The following LINGO2 variants were observed in gnomAD, a reference collection of about 807,000 sequenced individuals.
LINGO2 encodes leucine-rich repeat and immunoglobulin-like domain-containing nogo receptor-interacting protein 2.
LINGO2 carries 14 observed loss-of-function variants against 30.6 expected under a neutral mutation model. The observed-to-expected ratio is 0.46, with a 90% confidence interval of 0.30 to 0.72. The LOEUF is 0.72. Among genes scored for constraint, LINGO2 ranks in the 30% least tolerant of loss-of-function variants. LINGO2 has a pLI of 0.07. For synonymous variants in LINGO2, 317 were observed against 288.5 expected (o/e 1.10, Z -1.00); for missense variants, 729 against 751.7 (o/e 0.97, Z 0.35).
chr9:28,712,252 C>T, the LINGO2 span, among the ~76,000 whole-genome samples: 2 of 151,834 alleles, frequency 1.3e-5, no homozygotes, highest in African/African-American at 2.4e-5. Context: ...CGTTTTTGAC[C>T]CTTTAAGGGT....
chr9:28,169,107 C>A (rs187483432), intron 4 of LINGO2, among the ~76,000 whole-genome samples: 44 of 152,252 alleles, frequency 2.9e-4, no homozygotes, highest in Non-Finnish European at 5.7e-4. Context: ...GATTAATATA[C>A]GGACTAAATA....
At chr9:28,491,481 G>C (rs1826392647) in intron 1 of LINGO2, among the ~76,000 whole-genome samples, 1 of 152,186 alleles carries the variant, frequency 6.6e-6, no homozygotes. Flanking sequence ...CAGGTTCCAA[G>C]CAGCAGGATA....
chr9:28,142,259 C>G (rs1827695013), intron 4 of LINGO2, among the ~76,000 whole-genome samples: 1 of 149,296 alleles, frequency 6.7e-6, no homozygotes, highest in African/African-American at 2.5e-5. Context: ...GTAAGTTTAT[C>G]CTCTAAGAGA....
At chr9:28,105,210 G>C (rs915524005) in intron 4 of LINGO2, among the ~76,000 whole-genome samples, 1 of 152,100 alleles carries the variant, frequency 6.6e-6, no homozygotes, top group Non-Finnish European at 1.5e-5. Flanking sequence ...GAAACACCAG[G>C]GGGTGGTTTT....
chr9:28,227,817 A>G (rs1273690391), intron 4 of LINGO2, among the ~76,000 whole-genome samples: 3 of 152,012 alleles, frequency 2.0e-5, no homozygotes, highest in African/African-American at 7.2e-5. Context: ...TCTGATAGTC[A>G]AAGGAAGGTT....
chr9:28,031,001 C>G (rs1823640286), intron 4 of LINGO2, among the ~76,000 whole-genome samples: 1 of 152,082 alleles, frequency 6.6e-6, no homozygotes, highest in South Asian at 2.1e-4. Flanking sequence ...TTCCTGAGAA[C>G]AAGGATTTAA....
At chr9:29,135,932 T>C in the LINGO2 span, among the ~76,000 whole-genome samples, 1 of 152,170 alleles carries the variant, frequency 6.6e-6, no homozygotes, top group Non-Finnish European at 1.5e-5. Flanking sequence ...GGTTCATCCA[T>C]ATCATAGCAT....
At chr9:27,950,192 C>G (rs1819219638) in exon 6 of LINGO2, 1 of 1,614,028 alleles carries the variant, frequency 6.2e-7, no homozygotes, top group African/African-American at 1.3e-5. Context: ...CATTGTCCCC[C>G]ACTTCTAGAG....
chr9:28,470,372 T>C (rs75419314), intron 2 of LINGO2, among the ~76,000 whole-genome samples: 8 of 152,330 alleles, frequency 5.3e-5, no homozygotes, highest in African/African-American at 1.9e-4. Flanking sequence ...CACATACAAA[T>C]TGTCTCAACA....
At chr9:28,520,798 A>G (rs1412665364) in intron 1 of LINGO2, among the ~76,000 whole-genome samples, 1 of 152,232 alleles carries the variant, frequency 6.6e-6, no homozygotes, top group South Asian at 2.1e-4. Context: ...TTTAGTAACA[A>G]AAAGCATGAA....
At chr9:28,321,513 A>C (rs2134301712) in intron 3 of LINGO2, among the ~76,000 whole-genome samples, 1 of 152,316 alleles carries the variant, frequency 6.6e-6, no homozygotes, top group African/African-American at 2.4e-5. Flanking sequence ...GTGCTGTATT[A>C]GTTAAGGTTC....
At chr9:28,427,764 G>T (rs1476680624) in intron 2 of LINGO2, among the ~76,000 whole-genome samples, 1 of 152,056 alleles carries the variant, frequency 6.6e-6, no homozygotes, top group Non-Finnish European at 1.5e-5. Flanking sequence ...TTATGCATCA[G>T]GTGAAAAAGC....
chr9:28,126,557 T>A (rs571129228), intron 4 of LINGO2, among the ~76,000 whole-genome samples: 131 of 152,348 alleles, frequency 8.6e-4, no homozygotes, highest in African/African-American at 3.1e-3. Context: ...ATGTTTGAGA[T>A]GGCATGACTT....
intron 5 of LINGO2, among the ~76,000 whole-genome samples, chr9:27,977,160 CTT>C (rs112371496): frequency 6.8e-5 from 10 of 146,748 alleles, no homozygotes; most frequent in Admixed American, 6.8e-5. Context: ...GCTTTACCTA[CTT>C]TTTTTTTTTC....
At chr9:28,513,588 A>G (rs1820501588) in intron 1 of LINGO2, among the ~76,000 whole-genome samples, 1 of 152,224 alleles carries the variant, frequency 6.6e-6, no homozygotes, top group Non-Finnish European at 1.5e-5. Context: ...GTTTGTTAGA[A>G]ATGTATTCTT....
intron 3 of LINGO2, among the ~76,000 whole-genome samples, chr9:28,365,660 G>T (rs1047104178): frequency 6.6e-6 from 1 of 152,046 alleles, no homozygotes; most frequent in Non-Finnish European, 1.5e-5. Context: ...GAGTGGTTTG[G>T]AGTAGGATTT....
At chr9:28,908,772 G>C in the LINGO2 span, among the ~76,000 whole-genome samples, 1 of 151,850 alleles carries the variant, frequency 6.6e-6, no homozygotes, top group African/African-American at 2.4e-5. Flanking sequence ...TTTATTTAGA[G>C]AGAATAATTT....
chr9:28,932,767 C>T, the LINGO2 span, among the ~76,000 whole-genome samples: 1 of 152,070 alleles, frequency 6.6e-6, no homozygotes, highest in Admixed American at 6.6e-5. Context: ...ATCAATTTAC[C>T]ACCCAGCTAC....
At chr9:28,920,762 G>A in the LINGO2 span, among the ~76,000 whole-genome samples, 5 of 151,914 alleles carry the variant, frequency 3.3e-5, no homozygotes, top group African/African-American at 9.7e-5. Context: ...CTACATAACC[G>A]AATCTTAAAT....
Sources: gnomAD v4.1 joint callset for allele counts (sites outside exome capture counted in the v4.1 genomes callset) on GRCh38, gnomAD v4.1.1 for gene constraint, MANE v1.5 for transcripts, NCBI Gene and HGNC (gene_info 2026-07-23, HGNC 2026-07-21) for gene names.